The following SLC15A5 variants were observed in gnomAD, a reference collection of about 807,000 sequenced individuals.
SLC15A5 encodes solute carrier family 15 member 5.
Under a neutral mutation model 56.1 loss-of-function variants are expected in SLC15A5, and 58 were observed. The ratio of observed to expected loss-of-function variants is 1.03; its 90% CI spans 0.84 to 1.29. The LOEUF is 1.29. Ranked by LOEUF, SLC15A5 falls within the 50% of genes most tolerant of loss-of-function variation. SLC15A5 has a pLI of 0.00. For synonymous variants in SLC15A5, 264 were observed against 250.5 expected, an observed-to-expected ratio of 1.05 and a Z score of -0.51; for missense variants, 681 against 672.1, an observed-to-expected ratio of 1.01 and a Z score of -0.15.
intron 2 of SLC15A5, among the ~76,000 whole-genome samples, chr12:16,259,360 C>CTCCT (rs1024443406): frequency 1.7e-4 from 26 of 150,774 alleles, no homozygotes; most frequent in African/African-American, 5.9e-4. Context: ...CCTCTCTTCC[C>CTCCT]TCCTTCCTTC....
At chr12:16,213,420 A>G (rs1036879388) in intron 7 of SLC15A5, among the ~76,000 whole-genome samples, 62 of 152,128 alleles carry the variant, frequency 4.1e-4, no homozygotes, top group African/African-American at 1.4e-3. Context: ...CCCCTATACC[A>G]TATTATTTCT....
At chr12:16,207,445 ATTACT>A (rs1018505573) in intron 7 of SLC15A5, among the ~76,000 whole-genome samples, 1 of 106,414 alleles carries the variant, frequency 9.4e-6, no homozygotes, top group African/African-American at 3.2e-5. Context: ...TTTACCCCAA[ATTACT>A]TTAATTTAAG....
intron 5 of SLC15A5, among the ~76,000 whole-genome samples, chr12:16,232,165 A>G (rs535426966): frequency 6.6e-6 from 1 of 152,360 alleles, no homozygotes; most frequent in African/African-American, 2.4e-5. Context: ...GCAATCAATA[A>G]TAAGTAGCTA....
chr12:16,252,583 ATAAACT>A (rs1864530329), intron 3 of SLC15A5, among the ~76,000 whole-genome samples: 1 of 152,092 alleles, frequency 6.6e-6, no homozygotes, highest in African/African-American at 2.4e-5. Flanking sequence ...ATACTTAGAA[ATAAACT>A]TAACGAAGAA....
In SLC15A5 at chr12:16,277,470, A is replaced by C; in HGVS notation, c.216T>G (p.Leu72=). ...TGGCTGCTTGGCAATTGTGATAGCC[A>C]AGCTTGATAGTGCAAAAGGGGATCA... is the stretch of plus-strand genomic sequence containing the variant. ...CNMIPFCTIK[L]GYHNCQAAIL... The change falls in exon 1 of 9, where the codon CTT becomes CTG. Residue 72 remains leucine (L), a synonymous_variant. Coordinates refer to ENST00000344941, the MANE Select transcript of SLC15A5 (RefSeq NM_001170798.1). The C allele has an allele frequency of 6.5e-7, 1 of 1,536,602 alleles. No individual in the cohort carries two copies. Among genetic ancestry groups the C allele is most frequent in the Non-Finnish European group, 8.7e-7 (1 of 1,146,464 alleles).
At chr12:16,212,728 G>A (rs1385741467) in intron 7 of SLC15A5, among the ~76,000 whole-genome samples, 1 of 152,100 alleles carries the variant, frequency 6.6e-6, no homozygotes, top group African/African-American at 2.4e-5. Flanking sequence ...CAATTACCTG[G>A]AAGAAGTCTA....
At chr12:16,232,047 C>T (rs1421308676) in intron 5 of SLC15A5, among the ~76,000 whole-genome samples, 1 of 152,178 alleles carries the variant, frequency 6.6e-6, no homozygotes, top group African/African-American at 2.4e-5. Flanking sequence ...TATTATTTTA[C>T]AATCTATAAG....
intron 4 of SLC15A5, among the ~76,000 whole-genome samples, chr12:16,241,360 A>G (rs575161410): frequency 9.2e-5 from 14 of 152,312 alleles, no homozygotes; most frequent in South Asian, 4.1e-4. Flanking sequence ...CAATTGTACA[A>G]TTCAAGAGGG....
intron 2 of SLC15A5, among the ~76,000 whole-genome samples, chr12:16,260,841 A>T: frequency 6.6e-6 from 1 of 151,790 alleles, no homozygotes; most frequent in East Asian, 1.9e-4. Flanking sequence ...GTAGAGTGTC[A>T]TGGGGTAATT....
intron 3 of SLC15A5, among the ~76,000 whole-genome samples, chr12:16,249,177 T>C (rs1206466751): frequency 2.2e-4 from 33 of 152,088 alleles, no homozygotes; most frequent in Admixed American, 2.2e-3. Context: ...CTCAAAATTA[T>C]AGCAGTGGGA....
At chr12:16,202,590 A>C (rs1045009940) in intron 7 of SLC15A5, among the ~76,000 whole-genome samples, 4 of 152,142 alleles carry the variant, frequency 2.6e-5, no homozygotes, top group African/African-American at 9.7e-5. Context: ...TGATCCAGCA[A>C]TGCTACTACT....
intron 3 of SLC15A5, among the ~76,000 whole-genome samples, chr12:16,249,833 T>C (rs1165155727): frequency 6.6e-6 from 1 of 152,046 alleles, no homozygotes; most frequent in Non-Finnish European, 1.5e-5. Context: ...TTCACAAAAC[T>C]CCAAATTATT....
rs1864364367 is a variant in SLC15A5, at chr12:16,237,586, A to C, written c.1162+2095T>G. Among the ~76,000 whole-genome samples the C allele has an allele frequency of 6.6e-6, 1 of 152,230 alleles. No homozygotes were observed. Among genetic ancestry groups the C allele is most frequent in the African/African-American group, 2.4e-5 (1 of 41,468 alleles). On this transcript the variant is annotated intron_variant, in intron 5 of 8. Transcript: ENST00000344941. This position sits in a 1 kb window ranked among gnomAD's most constrained non-coding sequence, Gnocchi z 4.1. ...AAAAAAAGTACTCTTCTTTAGGAAG[A>C]GATGTGATTTCAAATATGCAGGAGT...
At chr12:16,198,054 G>A (rs2136238843) in intron 7 of SLC15A5, among the ~76,000 whole-genome samples, 1 of 152,118 alleles carries the variant, frequency 6.6e-6, no homozygotes, top group East Asian at 1.9e-4. Flanking sequence ...GAGTCTGATG[G>A]GTCATTCATT....
intron 3 of SLC15A5, among the ~76,000 whole-genome samples, chr12:16,255,452 G>A (rs952817919): frequency 3.3e-5 from 5 of 152,084 alleles, no homozygotes; most frequent in Non-Finnish European, 7.4e-5. Flanking sequence ...TACTTTGTTT[G>A]AGAGGCTGTG....
intron 5 of SLC15A5, 119 bp from the exon 6 acceptor site, chr12:16,224,721 TA>T (rs1864222676): frequency 1.8e-6 from 2 of 1,082,964 alleles, no homozygotes; most frequent in African/African-American, 1.6e-5. Context: ...TGTTTGTTTT[TA>T]TTTTTTTTTA....
chr12:16,239,058 A>G (rs1397359885), intron 5 of SLC15A5, among the ~76,000 whole-genome samples: 2 of 152,170 alleles, frequency 1.3e-5, no homozygotes, highest in Admixed American at 1.3e-4. Flanking sequence ...GAGTTCTCTG[A>G]TTCTTAGATT....
chr12:16,269,740 A>G lies in SLC15A5; in HGVS notation c.584+2821T>C, dbSNP rs1441652882. On this transcript the variant is annotated intron_variant, in intron 2 of 8. Transcript: ENST00000344941. The surrounding 1 kb of genome is among the most constrained non-coding windows in gnomAD (Gnocchi z 4.7). ...ATTCTATTTGGGCTTTTAATCATGT[A>G]TATAATTCACCCTAGTAACCCCTTA... Among the ~76,000 whole-genome samples the G allele has an allele frequency of 1.8e-4, 27 of 152,172 alleles. No homozygotes were observed. The highest frequency in any genetic ancestry group is 1.8e-3 in the Admixed American group (27 of 15,270).
intron 5 of SLC15A5, among the ~76,000 whole-genome samples, chr12:16,230,768 A>G (rs1197402591): frequency 6.6e-6 from 1 of 151,066 alleles, no homozygotes. Context: ...AAAAAAAAAA[A>G]AAAAAATAGC....
Sources: gnomAD v4.1 joint callset for allele counts (sites outside exome capture counted in the v4.1 genomes callset) on GRCh38, gnomAD v4.1.1 for gene constraint, Gnocchi (gnomAD v3.1) non-coding constraint, MANE v1.5 for transcripts, NCBI Gene and HGNC (gene_info 2026-07-23, HGNC 2026-07-21) for gene names.